WDR27: variants seen among roughly 807,000 people sequenced by gnomAD.
WDR27 encodes WD repeat domain 27.
In WDR27, 100 loss-of-function variants were observed where a neutral mutation model predicts 114.4. That is an observed-to-expected ratio of 0.87 (90% confidence interval 0.74 to 1.03). The LOEUF (loss-of-function observed/expected upper bound fraction) is 1.03, where lower values mean the gene tolerates loss of function less well. WDR27 is among the 50% of genes least tolerant of loss of function. The pLI is 0.00. For synonymous variants in WDR27, 449 were observed against 423.1 expected, an observed-to-expected ratio of 1.06 and a Z score of -0.75; for missense variants, 1,129 against 1,092.9, an observed-to-expected ratio of 1.03 and a Z score of -0.47.
the WDR27 span, among the ~76,000 whole-genome samples, chr6:169,446,114 C>T: frequency 1.0e-4 from 16 of 152,382 alleles, no homozygotes; most frequent in Middle Eastern, 3.4e-3. Flanking sequence ...CCGGCCCGGA[C>T]GGAGGGCGAG....
chr6:169,554,746 C>A (rs1416975630), intron 25 of WDR27, among the ~76,000 whole-genome samples: 1 of 152,158 alleles, frequency 6.6e-6, no homozygotes, highest in African/African-American at 2.4e-5. Flanking sequence ...GCTGTACTTT[C>A]CCCACGAGTG....
chr6:169,443,311 A>G, the WDR27 span, among the ~76,000 whole-genome samples: 1 of 152,214 alleles, frequency 6.6e-6, no homozygotes, highest in Non-Finnish European at 1.5e-5. Flanking sequence ...CTCTCCTGTT[A>G]TTCATTTGAA....
chr6:169,614,092 T>C (rs9371153), intron 21 of WDR27, among the ~76,000 whole-genome samples: 13,637 of 152,248 alleles, frequency 0.09, 1,703 homozygotes, highest in East Asian at 0.58. Context: ...GCGATGACTA[T>C]GTGGGTGAAC....
At chr6:169,455,191 C>T (rs996032904), downstream of WDR27, among the ~76,000 whole-genome samples, 8 of 152,182 alleles carry the variant, frequency 5.3e-5, no homozygotes, top group Admixed American at 3.9e-4. Context: ...CTGATCAAGT[C>T]GACAGACTTT....
downstream of WDR27, among the ~76,000 whole-genome samples, chr6:169,456,508 G>T (rs370018725): frequency 2.0e-5 from 3 of 152,298 alleles, no homozygotes; most frequent in East Asian, 5.8e-4. The surrounding 1 kb of genome is among the most constrained non-coding windows in gnomAD (Gnocchi z 4.0). Flanking sequence ...AGGTTATCTG[G>T]AATCTTGAAT....
At position 169,628,439 on chromosome 6, in the gene WDR27, C is replaced by T. The variant is rs370275959; in HGVS notation, c.2223+4508G>A. 1.1e-4 allele frequency among the ~76,000 whole-genome samples: 17 copies of T among 152,336 alleles called. No individual in the cohort carries two copies. In the East Asian group the frequency reaches 1.3e-3, roughly 12 times the overall value. On this transcript the variant is annotated intron_variant, in intron 21 of 25. Coordinates refer to ENST00000448612, the MANE Select transcript of WDR27 (RefSeq NM_182552.5). The stretch of plus-strand genomic sequence containing the variant: ...ATATGAGTCGCTCTACCAGCAGGAA[C>T]ACAGCGTGTCACAGGGAGACCAGGA...
chr6:169,605,845 C>G (rs1018643254), intron 22 of WDR27, among the ~76,000 whole-genome samples: 2 of 151,944 alleles, frequency 1.3e-5, no homozygotes, highest in Non-Finnish European at 2.9e-5. Flanking sequence ...CTGACAAAAT[C>G]AACAATGGGG....
At chr6:169,508,698 T>C (rs1413788039) in intron 25 of WDR27, among the ~76,000 whole-genome samples, 1 of 151,852 alleles carries the variant, frequency 6.6e-6, no homozygotes. Context: ...CATCAAGAAA[T>C]ATGAGGAGAA....
In WDR27 at chr6:169,619,291, C is replaced by CACA. The variant is rs1242447890; in HGVS notation, c.2224-5638_2224-5636dup. Among the ~76,000 whole-genome samples the CACA allele has an allele frequency of 3.3e-5, 5 of 152,344 alleles. No individual in the cohort carries two copies. The East Asian group carries it at 9.6e-4, about 29-fold the overall frequency. Reference sequence around the variant, plus strand: ...CCAGGAACAAAGCGAGGCACATCTACACAACAATGGCTCTTCACAAGGCCA... The same window carrying CACA: ...CCAGGAACAAAGCGAGGCACATCTACACAACAACAATGGCTCTTCACAAGGCCA... On this transcript the variant is annotated intron_variant, in intron 21 of 25. Coordinates refer to ENST00000448612, the MANE Select transcript of WDR27 (RefSeq NM_182552.5).
intron 25 of WDR27, among the ~76,000 whole-genome samples, chr6:169,482,118 G>T (rs1052069836): frequency 6.6e-6 from 1 of 152,232 alleles, no homozygotes; most frequent in Non-Finnish European, 1.5e-5. Flanking sequence ...TCCCTGCAAA[G>T]GACATGATCT....
rs1223552419 is a variant in WDR27 at position 169,636,362 on chromosome 6, G to T, written c.2003+9C>A. The T allele has an allele frequency of 6.2e-7, 1 of 1,613,244 alleles. No homozygotes were observed. Reference sequence around the variant, plus strand: ...TCTAAAAATAATGCACAGGGCGGGGGGTGCCTACCTCTTAATCTCATCTTT... The same window carrying T: ...TCTAAAAATAATGCACAGGGCGGGGTGTGCCTACCTCTTAATCTCATCTTT... On this transcript the variant is annotated intron_variant, in intron 19 of 25. Coordinates refer to ENST00000448612, the MANE Select transcript of WDR27 (RefSeq NM_182552.5).
chr6:169,661,318 T>A lies in WDR27; in HGVS notation c.1026-552A>T, dbSNP rs9396991. ...AGGCCACACAAGCTGCCCACCTCTG[T>A]GAATAAGGAACCAACTCCAGGAGGA... On this transcript the variant is annotated intron_variant, in intron 9 of 25. Coordinates refer to ENST00000448612, the MANE Select transcript of WDR27 (RefSeq NM_182552.5). Among the ~76,000 whole-genome samples, 107 of 152,238 alleles carry A rather than the reference T, an allele frequency of 7.0e-4. No individual in the cohort carries two copies. The East Asian group carries it at 0.017, about 24-fold the overall frequency.
At position 169,522,896 on chromosome 6, in the gene WDR27, C is replaced by G. The variant is rs1257126319; in HGVS notation, c.2645+49523G>C. On this transcript the variant is annotated intron_variant, in intron 25 of 25. Transcript: ENST00000448612. ...TTCAAATAAACCACCTAACAATGTT[C>G]CTCAAAGAAAGAGGAAAGAAAGAAT... is the stretch of plus-strand genomic sequence containing the variant. Among the ~76,000 whole-genome samples, 12 of 151,724 alleles carry G rather than the reference C, an allele frequency of 7.9e-5. No individual in the cohort carries two copies. The East Asian group carries it at 1.5e-3, about 20-fold the overall frequency.
the WDR27 span, among the ~76,000 whole-genome samples, chr6:169,427,867 C>A: frequency 2.0e-5 from 3 of 151,752 alleles, no homozygotes; most frequent in Non-Finnish European, 4.4e-5. Flanking sequence ...TAGCAAACTC[C>A]ACAGCTTTTG....
Position 169,659,366 on chromosome 6 carries a change from A to G in WDR27, c.1197+85T>C, listed in dbSNP as rs1825285029. 2 of 1,582,858 alleles carry G rather than the reference A, an allele frequency of 1.3e-6. No individual in the cohort carries two copies. Among genetic ancestry groups the G allele is most frequent in the African/African-American group, 2.7e-5 (2 of 74,202 alleles). Reference sequence around the variant, plus strand: ...TTTACACACAAAATCCCGTTTACTCAGCCAGTCGTTACAGGATCACTCTGA... The same window carrying G: ...TTTACACACAAAATCCCGTTTACTCGGCCAGTCGTTACAGGATCACTCTGA... On this transcript the variant is annotated intron_variant, in intron 11 of 25. Transcript: ENST00000448612. This position sits in a 1 kb window ranked among gnomAD's most constrained non-coding sequence, Gnocchi z 4.3.
intron 25 of WDR27, among the ~76,000 whole-genome samples, chr6:169,521,211 A>G (rs1794333709): frequency 6.6e-6 from 1 of 152,180 alleles, no homozygotes; most frequent in Admixed American, 6.5e-5. Flanking sequence ...GAAACTGTAC[A>G]TGCCAGGAGT....
intron 23 of WDR27, among the ~76,000 whole-genome samples, chr6:169,601,144 TG>T (rs955614884): frequency 6.6e-6 from 1 of 151,906 alleles, no homozygotes; most frequent in African/African-American, 2.4e-5. Context: ...CAGAAGAGAG[TG>T]GGGGCCAATA....
intron 25 of WDR27, among the ~76,000 whole-genome samples, chr6:169,538,543 AT>A (rs1385964585): frequency 2.0e-5 from 3 of 151,994 alleles, no homozygotes; most frequent in African/African-American, 7.2e-5. Context: ...AGAAATAGAT[AT>A]TTTCCTTCGA....
At chr6:169,655,520 A>G (rs892471292) in intron 13 of WDR27, among the ~76,000 whole-genome samples, 3 of 152,274 alleles carry the variant, frequency 2.0e-5, no homozygotes, top group East Asian at 3.8e-4. Context: ...TCTCACAGAC[A>G]CGAAGTGAAA....
Sources: allele counts gnomAD v4.1 joint callset (sites outside exome capture counted in the v4.1 genomes callset), GRCh38; gene constraint gnomAD v4.1.1; non-coding constraint Gnocchi (gnomAD v3.1); transcripts MANE v1.5; gene names NCBI Gene and HGNC (gene_info 2026-07-23, HGNC 2026-07-21).